Variants in TRHDE observed in about 807,000 individuals in gnomAD.
TRHDE encodes the protein thyrotropin-releasing hormone-degrading ectoenzyme.
Under a neutral mutation model 125.7 loss-of-function variants are expected in TRHDE, and 72 were observed. That is an observed-to-expected ratio of 0.57 (90% CI 0.47 to 0.70). TRHDE has a LOEUF of 0.70. Ranked by LOEUF, TRHDE falls within the 30% of genes least tolerant of loss-of-function variation. The pLI is 0.00. For synonymous variants in TRHDE, 509 were observed against 509.1 expected, an observed-to-expected ratio of 1.00 and a Z score of 0.00; for missense variants, 1,110 against 1,327.1, an observed-to-expected ratio of 0.84 and a Z score of 2.54.
At chr12:72,438,563 A>G (rs1056879081) in intron 3 of TRHDE, among the ~76,000 whole-genome samples, 1 of 151,592 alleles carries the variant, frequency 6.6e-6, no homozygotes, top group Admixed American at 6.6e-5. Flanking sequence ...TTTTTATGTC[A>G]TGTTTTGAGA....
chr12:72,430,031 A>G (rs1874376178), intron 3 of TRHDE, among the ~76,000 whole-genome samples: 1 of 151,228 alleles, frequency 6.6e-6, no homozygotes, highest in Non-Finnish European at 1.5e-5. Flanking sequence ...TGATTTAGCT[A>G]TGTTTTGTTG....
At chr12:72,297,513 G>A (rs1362008474) in intron 2 of TRHDE, among the ~76,000 whole-genome samples, 1 of 152,182 alleles carries the variant, frequency 6.6e-6, no homozygotes, top group Non-Finnish European at 1.5e-5. Flanking sequence ...CAATAACATG[G>A]AGAGGTGATC....
At chr12:72,544,501 A>T (rs1372032349) in intron 7 of TRHDE, among the ~76,000 whole-genome samples, 1 of 151,452 alleles carries the variant, frequency 6.6e-6, no homozygotes, top group African/African-American at 2.4e-5. Context: ...CAAATTGCAG[A>T]TAGTGTGTTT....
rs991431310 is a variant in TRHDE at position 72,562,893 on chromosome 12, T to G, written c.1895T>G (p.Val632Gly). ...RNGKYVNIQE[V>G]MDQWTLQMGY... ...GGGAAATATGTAAATATACAAGAAG[T>G]AATGGATCAGTGGACACTCCAGATG... The change falls in exon 9 of 19, where the codon GTA (valine) becomes GGA (glycine). Residue 632 changes from valine to glycine, a missense_variant. By Grantham distance (109) the Val-to-Gly change is moderately radical. This residue lies in a region of TRHDE where 527 missense variants were observed against 651.8 expected (regional missense o/e 0.81). Coordinates refer to ENST00000261180, the MANE Select transcript of TRHDE (RefSeq NM_013381.3). 8.1e-6 allele frequency: 13 copies of G among 1,597,062 alleles called. No individual in the cohort carries two copies. The highest frequency in any genetic ancestry group is 1.1e-5 in the Non-Finnish European group (13 of 1,175,162).
intron 6 of TRHDE, among the ~76,000 whole-genome samples, chr12:72,531,641 T>C (rs567187584): frequency 1.3e-5 from 2 of 152,062 alleles, no homozygotes; most frequent in South Asian, 4.1e-4. Context: ...TTTTTGGTGA[T>C]ATTTCTTCGT....
At chr12:72,116,827 T>C (rs1171282697) in intron 2 of TRHDE, among the ~76,000 whole-genome samples, 1 of 152,190 alleles carries the variant, frequency 6.6e-6, no homozygotes, top group Non-Finnish European at 1.5e-5. Flanking sequence ...GCAGAAGCTC[T>C]TTAGTTTACC....
intron 12 of TRHDE, among the ~76,000 whole-genome samples, chr12:72,593,075 A>G (rs1175371168): frequency 1.3e-5 from 2 of 152,200 alleles, no homozygotes; most frequent in Admixed American, 6.5e-5. Context: ...AAAAGTGAGT[A>G]GAGTTGAGGA....
chr12:72,406,022 T>C (rs1455117448), intron 3 of TRHDE, among the ~76,000 whole-genome samples: 1 of 152,138 alleles, frequency 6.6e-6, no homozygotes, highest in Admixed American at 6.5e-5. Context: ...TCTCTCTTGC[T>C]TGAAAAAGGA....
intron 17 of TRHDE, among the ~76,000 whole-genome samples, chr12:72,654,741 A>G (rs918243018): frequency 1.3e-5 from 2 of 152,254 alleles, no homozygotes; most frequent in South Asian, 4.1e-4. Flanking sequence ...TCTAGGTTAT[A>G]TCAATTTAAC....
rs1190363456 is a variant in TRHDE at position 72,583,923 on chromosome 12, CTTTTTTTTT to C, written c.2321+8400_2321+8408del. On this transcript the variant is annotated intron_variant, in intron 12 of 18. Transcript: ENST00000261180. ...GCTTGTGGCTCTAAAGGATGACAAA[CTTTTTTTTT>C]TTTTTTTTTTTTTTTTTTGAGACGG... Among the ~76,000 whole-genome samples, 27 of 60,466 alleles carry C rather than the reference CTTTTTTTTT, an allele frequency of 4.5e-4. 3 individuals are homozygous for C. The South Asian group carries it at 0.011, about 25-fold the overall frequency. 39.7% of individuals were successfully genotyped at this position (60,466 alleles called of 152,430 possible).
At position 72,119,557 on chromosome 12, in the gene TRHDE, T is replaced by C. The variant is rs183895798; in HGVS notation, n.279+13805T>C. 1.4e-3 allele frequency among the ~76,000 whole-genome samples: 209 copies of C among 152,306 alleles called. 1 individual carries two copies. The highest frequency in any genetic ancestry group is 4.6e-3 in the African/African-American group (191 of 41,580). On this transcript the variant is annotated intron_variant and non_coding_transcript_variant, in intron 2 of 4. Transcript: ENST00000548156. Reference sequence around the variant, plus strand: ...TGTAAATATCTATCAGGTCCGTTTGTTTTATAGTGCCGATTAAGTCCAACG... The same window carrying C: ...TGTAAATATCTATCAGGTCCGTTTGCTTTATAGTGCCGATTAAGTCCAACG...
rs529825061 is a variant in TRHDE at position 72,516,073 on chromosome 12, A to G, written c.1722+16438A>G. On this transcript the variant is annotated intron_variant, in intron 6 of 18. Coordinates refer to ENST00000261180, the MANE Select transcript of TRHDE (RefSeq NM_013381.3). ...TGTGTAGTATAGTTTGAAGTCAGGT[A>G]GCGTGATGCCTCCAGCTTTGTTCTT... Among the ~76,000 whole-genome samples, 9 of 151,996 alleles carry G rather than the reference A, an allele frequency of 5.9e-5. No individual in the cohort carries two copies. The East Asian group carries it at 1.7e-3, about 29-fold the overall frequency.
intron 3 of TRHDE, among the ~76,000 whole-genome samples, chr12:72,399,529 A>G (rs866870605): frequency 2.0e-4 from 31 of 152,312 alleles, no homozygotes; most frequent in Middle Eastern, 6.8e-3. Flanking sequence ...TTCACATAAG[A>G]ACATAAATGT....
chr12:72,568,635 A>G lies in TRHDE; in HGVS notation c.2110A>G (p.Ile704Val), dbSNP rs571498065. The change falls in exon 10 of 19, where the codon ATT (isoleucine) becomes GTT (valine). Residue 704 changes from isoleucine (I) to valine (V), a missense_variant. Physicochemically the swap from Ile to Val is conservative, Grantham distance 29. Coordinates refer to ENST00000261180, the MANE Select transcript of TRHDE (RefSeq NM_013381.3). ...AAGCCATGTGTCTTCAGAAGCAATT[A>G]TTTGGGTGTCTAACAAATCAGGTAA... ...NRSHVSSEAI[I>V]WVSNKSEHHR... The G allele has an allele frequency of 7.1e-5, 114 of 1,611,032 alleles. 1 individual carries two copies. In the South Asian group the frequency reaches 1.2e-3, roughly 17 times the overall value.
chr12:72,426,880 A>G (rs902276120), intron 3 of TRHDE, among the ~76,000 whole-genome samples: 24 of 152,078 alleles, frequency 1.6e-4, no homozygotes, highest in Admixed American at 2.6e-4. Context: ...TCATATTTTT[A>G]TCATTGCCAA....
At chr12:72,482,992 A>G (rs1007098023) in intron 5 of TRHDE, among the ~76,000 whole-genome samples, 3 of 152,014 alleles carry the variant, frequency 2.0e-5, no homozygotes, top group African/African-American at 7.2e-5. Flanking sequence ...TCCTACAACA[A>G]GATAGTATTT....
At chr12:72,211,175 C>T (rs935567142) in intron 2 of TRHDE, among the ~76,000 whole-genome samples, 3 of 152,132 alleles carry the variant, frequency 2.0e-5, no homozygotes, top group Admixed American at 2.0e-4. Flanking sequence ...TTTTGGATTA[C>T]AGAGGTTCCA....
intron 2 of TRHDE, among the ~76,000 whole-genome samples, chr12:72,356,151 A>G (rs146993058): frequency 2.4e-4 from 37 of 151,924 alleles, no homozygotes; most frequent in Non-Finnish European, 4.3e-4. Flanking sequence ...ATGCCCATCA[A>G]TAGTATACTG....
chr12:72,641,514 A>G (rs558731849), intron 15 of TRHDE, among the ~76,000 whole-genome samples: 1 of 152,256 alleles, frequency 6.6e-6, no homozygotes, highest in African/African-American at 2.4e-5. Flanking sequence ...TATTTTTGTA[A>G]ACTTATGCAA....
Sources: allele counts gnomAD v4.1 joint callset (sites outside exome capture counted in the v4.1 genomes callset), GRCh38; gene constraint gnomAD v4.1.1; regional missense constraint gnomAD v4.1.1; transcripts MANE v1.5; gene names NCBI Gene and HGNC (gene_info 2026-07-23, HGNC 2026-07-21).